Variants in CEP57 observed in about 807,000 individuals in gnomAD.
CEP57 encodes centrosomal protein 57, also known as centrosomal protein of 57 kDa.
In CEP57, 40 loss-of-function variants were observed where a neutral mutation model predicts 68.0. The observed-to-expected ratio is 0.59, with a 90% CI of 0.46 to 0.77. The LOEUF is 0.77. Among genes scored for constraint, CEP57 ranks in the 30% least tolerant of loss-of-function variants. The pLI, the probability that CEP57 is intolerant of heterozygous loss-of-function variation, is 0.00. For missense variants in CEP57, 606 were observed against 580.7 expected (o/e 1.04, Z -0.45); for synonymous variants, 219 against 198.7 (o/e 1.10, Z -0.86).
At chr11:95,821,514 G>T (rs184413252) in intron 6 of CEP57, among the ~76,000 whole-genome samples, 1 of 152,244 alleles carries the variant, frequency 6.6e-6, no homozygotes, top group Non-Finnish European at 1.5e-5. Flanking sequence ...GTCTGGTAAT[G>T]TAGTAGATGC....
At position 95,832,563 on chromosome 11, in the gene CEP57, CAAGG is replaced by C. The variant is rs1188622106; in HGVS notation, c.*1308_*1311del. On this transcript the variant is annotated 3_prime_UTR_variant, in exon 11 of 11. Coordinates refer to ENST00000325542, the MANE Select transcript of CEP57 (RefSeq NM_014679.5). Reference sequence around the variant, plus strand: ...ATTAATAATTGTGAGCCCATAGACACAAGGGAAGTGAGAAACAGTGCTCTGGTGA... The same window carrying C: ...ATTAATAATTGTGAGCCCATAGACACGAAGTGAGAAACAGTGCTCTGGTGA... 1 of 152,078 alleles carries C rather than the reference CAAGG, an allele frequency of 6.6e-6. No homozygotes were observed. The highest frequency in any genetic ancestry group is 1.5e-5 in the Non-Finnish European group (1 of 68,018). The allele number at this position is 152,078 out of a possible 1,614,324, so 9.4% of individuals were successfully genotyped here.
At chr11:95,813,185 T>G in intron 3 of CEP57, 74 bp downstream of exon 3, 5 of 1,414,318 alleles carry the variant, frequency 3.5e-6, no homozygotes, top group South Asian at 2.4e-5. Context: ...AAAGAAATAG[T>G]ACATTAGTGT....
chr11:95,805,229 A>G (rs560784048), intron 2 of CEP57, among the ~76,000 whole-genome samples: 3 of 152,344 alleles, frequency 2.0e-5, no homozygotes, highest in Non-Finnish European at 4.4e-5. Flanking sequence ...CTCAATGGAT[A>G]TTAAAGGACG....
chr11:95,791,883 T>G (rs191058241), intron 1 of CEP57, among the ~76,000 whole-genome samples: 1 of 152,196 alleles, frequency 6.6e-6, no homozygotes, highest in Non-Finnish European at 1.5e-5. Context: ...GAGGTAGAGC[T>G]GGATGAGGTG....
chr11:95,818,947 C>T (rs988422740), intron 6 of CEP57, 43 bp downstream of exon 6: 27 of 1,437,336 alleles, frequency 1.9e-5, no homozygotes, highest in South Asian at 1.0e-4. Flanking sequence ...TATTTCTTAC[C>T]GCTTTTTGTG....
chr11:95,820,686 G>A (rs1035881841), intron 6 of CEP57, among the ~76,000 whole-genome samples: 1 of 151,724 alleles, frequency 6.6e-6, no homozygotes, highest in Non-Finnish European at 1.5e-5. Context: ...TAAAACTGTA[G>A]CACAGAAATA....
Position 95,829,381 on chromosome 11 carries a change from A to C in CEP57, c.1272+50A>C, listed in dbSNP as rs201126132. 6.4e-5 allele frequency: 99 copies of C among 1,555,476 alleles called. No individual in the cohort carries two copies. The African/African-American group carries it at 1.1e-3, about 17-fold the overall frequency. On this transcript the variant is annotated intron_variant, in intron 10 of 10. Transcript: ENST00000325542. Reference sequence around the variant, plus strand: ...GTTTCTAATGATTAAGAAAAAAAAAACACTTTAATTCAAATATTAAATGAT... The same window carrying C: ...GTTTCTAATGATTAAGAAAAAAAAACCACTTTAATTCAAATATTAAATGAT...
chr11:95,828,365 AGT>A (rs1336847521), intron 9 of CEP57, among the ~76,000 whole-genome samples: 1 of 152,218 alleles, frequency 6.6e-6, no homozygotes, highest in Non-Finnish European at 1.5e-5. Flanking sequence ...CTAACATAAG[AGT>A]GTGCTAAGCT....
chr11:95,800,428 ACT>A (rs1402953008), intron 2 of CEP57, among the ~76,000 whole-genome samples: 2 of 150,232 alleles, frequency 1.3e-5, no homozygotes, highest in Non-Finnish European at 3.0e-5. Context: ...ACAGAGTCTC[ACT>A]CTGTCACCAG....
At chr11:95,810,101 A>G (rs988734551) in intron 2 of CEP57, among the ~76,000 whole-genome samples, 2 of 152,208 alleles carry the variant, frequency 1.3e-5, no homozygotes, top group Non-Finnish European at 2.9e-5. Context: ...GACAGAAACC[A>G]CATGATTATC....
At chr11:95,810,456 C>T (rs902431384) in intron 2 of CEP57, among the ~76,000 whole-genome samples, 30 of 152,286 alleles carry the variant, frequency 2.0e-4, no homozygotes, top group Admixed American at 9.8e-4. Context: ...AAAACCCTAT[C>T]GTCTCAGCCC....
chr11:95,795,437 T>C (rs765871456), intron 1 of CEP57: 1 of 405,766 alleles, frequency 2.5e-6, no homozygotes, highest in Non-Finnish European at 4.4e-6. Context: ...TTTTTTGTTT[T>C]GTTCTATTTA....
intron 2 of CEP57, among the ~76,000 whole-genome samples, chr11:95,808,065 A>G (rs529876345): frequency 1.3e-4 from 20 of 152,238 alleles, no homozygotes; most frequent in Non-Finnish European, 2.8e-4. Context: ...CCAATATTCA[A>G]CATTCTTAAA....
At chr11:95,827,696 G>A in intron 8 of CEP57, 90 bp from the exon 9 acceptor site, 1 of 1,459,048 alleles carries the variant, frequency 6.9e-7, no homozygotes, top group Non-Finnish European at 9.5e-7. Flanking sequence ...TTTAGGGGGT[G>A]GAGAGTTCTT....
At chr11:95,809,178 G>C (rs1048563833) in intron 2 of CEP57, among the ~76,000 whole-genome samples, 3 of 152,126 alleles carry the variant, frequency 2.0e-5, no homozygotes, top group Non-Finnish European at 4.4e-5. Flanking sequence ...CAACATACCA[G>C]ATTCTTTGGG....
chr11:95,822,387 A>G, intron 7 of CEP57, 112 bp from the exon 8 acceptor site: 1 of 779,964 alleles, frequency 1.3e-6, no homozygotes, highest in South Asian at 1.5e-5. Context: ...CCAACTATAG[A>G]TAAGGCAAGT....
chr11:95,828,964 C>A (rs1862874001), intron 9 of CEP57, among the ~76,000 whole-genome samples: 1 of 151,682 alleles, frequency 6.6e-6, no homozygotes, highest in South Asian at 2.1e-4. Context: ...ATGGCGTGAA[C>A]CCGGGAGGCA....
chr11:95,830,749 G>T (rs916697176), intron 10 of CEP57, among the ~76,000 whole-genome samples: 2 of 151,602 alleles, frequency 1.3e-5, no homozygotes. Flanking sequence ...TGGCAATATT[G>T]CCTTAATTTA....
At chr11:95,809,768 G>A (rs867290937) in intron 2 of CEP57, among the ~76,000 whole-genome samples, 1 of 152,066 alleles carries the variant, frequency 6.6e-6, no homozygotes, top group East Asian at 1.9e-4. Flanking sequence ...TTCTACCAGA[G>A]GCACAAAGAG....
Sources: allele counts gnomAD v4.1 joint callset (sites outside exome capture counted in the v4.1 genomes callset), GRCh38; gene constraint gnomAD v4.1.1; transcripts MANE v1.5; gene names NCBI Gene and HGNC (gene_info 2026-07-23, HGNC 2026-07-21).